Variants in SEMA4D observed in about 807,000 individuals in gnomAD.
SEMA4D encodes the protein semaphorin-4D.
In SEMA4D, 22 loss-of-function variants were observed where a neutral mutation model predicts 74.8. The ratio of observed to expected loss-of-function variants is 0.29; its 90% CI spans 0.21 to 0.42. The LOEUF (loss-of-function observed/expected upper bound fraction) is 0.42, where lower values mean the gene tolerates loss of function less well. Ranked by LOEUF, SEMA4D falls within the 10% of genes least tolerant of loss-of-function variation. SEMA4D has a pLI of 1.00. For missense variants in SEMA4D, 937 were observed against 1,118.4 expected (o/e 0.84, Z 2.31); for synonymous variants, 445 against 463.7 (o/e 0.96, Z 0.52).
chr9:89,425,639 G>A (rs1847938673), intron 2 of SEMA4D, among the ~76,000 whole-genome samples: 1 of 152,244 alleles, frequency 6.6e-6, no homozygotes, highest in East Asian at 1.9e-4. Flanking sequence ...TTTGACATCA[G>A]GGGCAGGAGT....
chr9:89,442,166 C>G (rs879837997), intron 2 of SEMA4D, among the ~76,000 whole-genome samples: 11,085 of 152,142 alleles, frequency 0.073, 608 homozygotes, highest in East Asian at 0.29. Context: ...CATCTTCAGG[C>G]CAGAGACATG....
intron 16 of SEMA4D, among the ~76,000 whole-genome samples, chr9:89,366,561 C>G (rs1426807025): frequency 6.6e-6 from 1 of 152,042 alleles, no homozygotes; most frequent in Non-Finnish European, 1.5e-5. Context: ...TTTTCCCACT[C>G]AAAATGTTTT....
At chr9:89,405,833 G>A in intron 2 of SEMA4D, 134 bp from the exon 3 acceptor site, 2 of 1,289,858 alleles carry the variant, frequency 1.6e-6, no homozygotes, top group South Asian at 2.8e-5. Context: ...GGCAGCGGGG[G>A]ACAAAGAGAG....
intron 5 of SEMA4D, 72 bp from the exon 6 acceptor site, chr9:89,396,907 C>T: frequency 7.3e-7 from 1 of 1,377,514 alleles, no homozygotes; most frequent in South Asian, 1.2e-5. Context: ...ACTGCTCACG[C>T]CGTTCATCTC....
chr9:89,375,592 G>A (rs546689791), downstream of SEMA4D, among the ~76,000 whole-genome samples: 17 of 152,340 alleles, frequency 1.1e-4, no homozygotes, highest in African/African-American at 3.1e-4. Context: ...AATTGGGTTT[G>A]CTTTTCCTCT....
intron 1 of SEMA4D, among the ~76,000 whole-genome samples, chr9:89,488,313 C>A (rs1825349863): frequency 6.9e-6 from 1 of 145,734 alleles, no homozygotes; most frequent in African/African-American, 2.5e-5. Context: ...CAATCCTTAG[C>A]TCTTTCCATT....
Position 89,370,347 on chromosome 9 carries a change from G to A in SEMA4D, c.1883-6397C>T, listed in dbSNP as rs531721296. On this transcript the variant is annotated intron_variant, in intron 16 of 18. Transcript: ENST00000339861. ...TGTTGTGGTACATGTGTCGTGTGGT[G>A]TATATTGTGGTGTATCTGTACGTAT... Among the ~76,000 whole-genome samples, 18 of 150,380 alleles carry A rather than the reference G, an allele frequency of 1.2e-4. No homozygotes were observed. The East Asian group carries it at 3.5e-3, about 29-fold the overall frequency.
rs376608905 is a variant in SEMA4D, at chr9:89,390,384, G to A, written c.774+880C>T. On this transcript the variant is annotated intron_variant, in intron 9 of 15. Transcript: ENST00000422704. ...CGGCTGCGGGGCTGCGGGGCAGCTGGAGGATCTGGTCAGTGAGCCCTGGCT... is the reference window on the plus strand; with the variant it reads ...CGGCTGCGGGGCTGCGGGGCAGCTGAAGGATCTGGTCAGTGAGCCCTGGCT... Among the ~76,000 whole-genome samples the A allele has an allele frequency of 3.9e-5, 6 of 152,336 alleles. No individual in the cohort carries two copies. In the East Asian group the frequency reaches 9.6e-4, roughly 24 times the overall value.
chr9:89,385,866 G>GGGGGGGGGGGGCCCCCCC, intron 13 of SEMA4D: 8 of 196,226 alleles, frequency 4.1e-5, no homozygotes, highest in Non-Finnish European at 6.3e-5. Context: ...CAGCGTGGAT[G>GGGGGGGGGGGGCCCCCCC]CCCGCCCACC....
chr9:89,421,223 C>A (rs1846869154), intron 2 of SEMA4D, among the ~76,000 whole-genome samples: 1 of 152,236 alleles, frequency 6.6e-6, no homozygotes, highest in Admixed American at 6.5e-5. Context: ...ATCTCCTCAT[C>A]CTGGCCCAGA....
At chr9:89,444,061 C>G (rs117337092) in intron 2 of SEMA4D, among the ~76,000 whole-genome samples, 1 of 152,222 alleles carries the variant, frequency 6.6e-6, no homozygotes, top group Non-Finnish European at 1.5e-5. Context: ...GTCCCTGACA[C>G]GAAGGGTTCT....
intron 2 of SEMA4D, chr9:89,436,502 G>A (rs1850433453): frequency 6.6e-6 from 1 of 152,474 alleles, no homozygotes; most frequent in South Asian, 2.1e-4. Context: ...TTGGGGCTCA[G>A]GCCAGGACTG....
At position 89,484,446 on chromosome 9, in the gene SEMA4D, TTG is replaced by T. The variant is rs1275185298; in HGVS notation, c.-310+13471_-310+13472del. ...GTGGTGTGTATGTGTACAGTGTGTG[TTG>T]TGTGTGTTTTGTGTGTGTGTGTGGC... is the stretch of plus-strand genomic sequence containing the variant. On this transcript the variant is annotated intron_variant, in intron 1 of 15. Coordinates refer to ENST00000422704, the MANE Select transcript of SEMA4D (RefSeq NM_001371194.2). The surrounding 1 kb of genome is among the most constrained non-coding windows in gnomAD (Gnocchi z 4.1). Among the ~76,000 whole-genome samples, 2 of 149,248 alleles carry T rather than the reference TTG, an allele frequency of 1.3e-5. No homozygotes were observed. Among genetic ancestry groups the T allele is most frequent in the South Asian group, 2.1e-4 (1 of 4,686 alleles).
chr9:89,378,960 G>T lies in SEMA4D; in HGVS notation c.2333C>A (p.Pro778His), dbSNP rs2132644302. ...CTCACGGTCACAGAAATCTGACTTG[G>T]GCTTCTTCTTCCCAATTAGTAGGGC... ...RSALLIGKKK[P>H]KSDFCDREQS... is the part of the protein sequence containing the mutation. The change falls in exon 16 of 16, where the codon CCC becomes CAC. Residue 778 changes from proline (P) to histidine (H), a missense_variant. Physicochemically the swap from Pro to His is moderately conservative, Grantham distance 77 (BLOSUM62 -2). Coordinates refer to ENST00000422704, the MANE Select transcript of SEMA4D (RefSeq NM_001371194.2). 6.2e-7 allele frequency: 1 copy of T among 1,614,110 alleles called. No individual in the cohort carries two copies.
chr9:89,392,614 A>G, intron 7 of SEMA4D, 78 bp from the exon 8 acceptor site: 2 of 893,394 alleles, frequency 2.2e-6, no homozygotes, highest in Non-Finnish European at 1.9e-6. Flanking sequence ...CAAACATTCA[A>G]CACGGTGTTT....
In SEMA4D at chr9:89,378,964, T is replaced by G. The variant is rs555566381; in HGVS notation, c.2329A>C (p.Lys777Gln). 1.2e-5 allele frequency: 19 copies of G among 1,614,140 alleles called. No individual in the cohort carries two copies. The African/African-American group carries it at 1.2e-4, about 10-fold the overall frequency. Residue 777 changes from lysine (K) to glutamine (Q), a missense_variant, in exon 16 of 16, where the codon AAG becomes CAG. Lys to Gln is a moderately conservative substitution (Grantham distance 53, BLOSUM62 1). Transcript: ENST00000422704. ...CGGTCACAGAAATCTGACTTGGGCT[T>G]CTTCTTCCCAATTAGTAGGGCCGAG... is the stretch of plus-strand genomic sequence containing the variant. ...FRSALLIGKKKPKSDFCDREQ... is the reference protein window; with the variant it reads ...FRSALLIGKKQPKSDFCDREQ...
downstream of SEMA4D, among the ~76,000 whole-genome samples, chr9:89,372,698 G>A (rs1564504693): frequency 1.3e-5 from 2 of 152,034 alleles, no homozygotes. Context: ...GGCTCCCAGG[G>A]CACGGGCCCC....
chr9:89,496,134 C>A (rs183501857), intron 1 of SEMA4D, among the ~76,000 whole-genome samples: 1 of 152,324 alleles, frequency 6.6e-6, no homozygotes, highest in African/African-American at 2.4e-5. Flanking sequence ...ATATCAAATG[C>A]AACATGGTCG....
In SEMA4D at chr9:89,386,340, C is replaced by T. The variant is rs747332689; in HGVS notation, c.1446+27G>A. 5.8e-6 allele frequency: 9 copies of T among 1,548,196 alleles called. No homozygotes were observed. The African/African-American group carries it at 1.1e-4, about 19-fold the overall frequency. ...TCAAAGCCACCGAGCGGAGAAGCCC[C>T]CGGTCCAGCTGCCTGCGTCACTTTA... On this transcript the variant is annotated intron_variant, in intron 13 of 15. Coordinates refer to ENST00000422704, the MANE Select transcript of SEMA4D (RefSeq NM_001371194.2).
Sources: allele counts gnomAD v4.1 joint callset (sites outside exome capture counted in the v4.1 genomes callset), GRCh38; gene constraint gnomAD v4.1.1; non-coding constraint Gnocchi (gnomAD v3.1); transcripts MANE v1.5; gene names NCBI Gene and HGNC (gene_info 2026-07-23, HGNC 2026-07-21).